Variants in STK32A observed in about 807,000 individuals in gnomAD.
The protein encoded by STK32A is serine/threonine kinase 32A, also known as serine/threonine-protein kinase 32A.
A neutral mutation model predicts 53.2 loss-of-function variants in STK32A; 41 were observed. The ratio of observed to expected loss-of-function variants is 0.77; its 90% CI spans 0.60 to 1.00. The LOEUF is 1.00. STK32A is among the 50% of genes least tolerant of loss of function. The pLI is 0.00. For synonymous variants in STK32A, 166 were observed against 162.8 expected, an observed-to-expected ratio of 1.02 and a Z score of -0.15; for missense variants, 458 against 485.8, an observed-to-expected ratio of 0.94 and a Z score of 0.54.
chr5:147,264,577 T>C (rs1259919754), intron 2 of STK32A, among the ~76,000 whole-genome samples: 1 of 152,200 alleles, frequency 6.6e-6, no homozygotes, highest in Non-Finnish European at 1.5e-5. Context: ...ATTTCTGTAT[T>C]CATAATAATG....
intron 8 of STK32A, among the ~76,000 whole-genome samples, chr5:147,362,742 G>T (rs1478307491): frequency 4.6e-5 from 7 of 152,130 alleles, no homozygotes; most frequent in Admixed American, 4.6e-4. Flanking sequence ...GAGACTCGAG[G>T]TATGATTCAT....
Position 147,384,519 on chromosome 5 carries a change from C to A in STK32A, c.*536C>A. 1.7e-6 allele frequency: 2 copies of A among 1,204,072 alleles called. No homozygotes were observed. The highest frequency in any genetic ancestry group is 2.3e-6 in the Non-Finnish European group (2 of 853,014). The allele number at this position is 1,204,072 out of a possible 1,614,324, so 74.6% of individuals were successfully genotyped here. A position where few individuals can be genotyped will look rare whatever the true frequency, so the allele number is the denominator to read the frequency against. On this transcript the variant is annotated 3_prime_UTR_variant, in exon 13 of 13. Transcript: ENST00000397936. ...ATGAATGGAATCAGATTAAAAGTAACAGAGATGGATGAGGGCCTTCCAGTG... is the reference window on the plus strand; with the variant it reads ...ATGAATGGAATCAGATTAAAAGTAAAAGAGATGGATGAGGGCCTTCCAGTG...
chr5:147,249,985 G>T (rs1259844001), intron 2 of STK32A, among the ~76,000 whole-genome samples: 1 of 151,092 alleles, frequency 6.6e-6, no homozygotes. Context: ...CTCACAGTGT[G>T]GCAGTGCAGA....
At chr5:147,299,272 T>C (rs1264242214) in intron 4 of STK32A, among the ~76,000 whole-genome samples, 2 of 152,142 alleles carry the variant, frequency 1.3e-5, no homozygotes, top group Non-Finnish European at 2.9e-5. Flanking sequence ...TTGTAAACTG[T>C]CATGGTGCTG....
At chr5:147,346,822 C>A (rs1755715280) in intron 6 of STK32A, among the ~76,000 whole-genome samples, 1 of 152,138 alleles carries the variant, frequency 6.6e-6, no homozygotes, top group South Asian at 2.1e-4. Context: ...GAGAAAATGA[C>A]AATTATGTCA....
At chr5:147,352,828 T>C (rs548333267) in intron 7 of STK32A, among the ~76,000 whole-genome samples, 5 of 152,128 alleles carry the variant, frequency 3.3e-5, no homozygotes, top group Admixed American at 1.3e-4. Context: ...ATGCAGTGAA[T>C]GTGATTTGTC....
At chr5:147,262,835 G>A (rs1214446674) in intron 2 of STK32A, among the ~76,000 whole-genome samples, 1 of 152,138 alleles carries the variant, frequency 6.6e-6, no homozygotes, top group Non-Finnish European at 1.5e-5. Context: ...AGGGGAAGGT[G>A]AGAAATAACC....
intron 5 of STK32A, among the ~76,000 whole-genome samples, chr5:147,336,044 G>C (rs1260144561): frequency 6.6e-6 from 1 of 152,072 alleles, no homozygotes; most frequent in Non-Finnish European, 1.5e-5. Context: ...AATCAACCTA[G>C]AAATCCCTGG....
At position 147,377,601 on chromosome 5, in the gene STK32A, A is replaced by G. The variant is rs559339787; in HGVS notation, c.1032+2383A>G. Among the ~76,000 whole-genome samples the G allele has an allele frequency of 2.6e-5, 4 of 152,248 alleles. No homozygotes were observed. The South Asian group carries it at 8.3e-4, about 32-fold the overall frequency. ...CTATTTTTTGATTGTTGAAGGCTGT[A>G]GTTATCCATTGTTTAGCGACTTCTC... On this transcript the variant is annotated intron_variant, in intron 11 of 12. Coordinates refer to ENST00000397936, the MANE Select transcript of STK32A (RefSeq NM_001112724.2).
chr5:147,372,731 A>G lies in STK32A; in HGVS notation c.778-438A>G, dbSNP rs899411500. The stretch of plus-strand genomic sequence containing the variant: ...TTTAATTAGTTGTAAAAACAGCTAC[A>G]ATTCTTAGTAGGAAATGAGTTCTAC... On this transcript the variant is annotated intron_variant, in intron 9 of 12. Coordinates refer to ENST00000397936, the MANE Select transcript of STK32A (RefSeq NM_001112724.2). 1.1e-4 allele frequency among the ~76,000 whole-genome samples: 17 copies of G among 152,294 alleles called. No individual in the cohort carries two copies. The East Asian group carries it at 2.7e-3, about 24-fold the overall frequency.
At position 147,378,089 on chromosome 5, in the gene STK32A, C is replaced by A. The variant is rs919172033; in HGVS notation, c.1032+2871C>A. ...CAATCTTACCTTATTATATTATTAA[C>A]ATGCTCGTTCATTCATTCATTCATT... On this transcript the variant is annotated intron_variant, in intron 11 of 12. Transcript: ENST00000397936. 4.6e-5 allele frequency among the ~76,000 whole-genome samples: 7 copies of A among 152,200 alleles called. No homozygotes were observed. In the East Asian group the frequency reaches 1.4e-3, roughly 29 times the overall value.
chr5:147,326,138 A>T (rs751512009), intron 5 of STK32A, among the ~76,000 whole-genome samples: 4 of 152,220 alleles, frequency 2.6e-5, no homozygotes, highest in Non-Finnish European at 5.9e-5. Context: ...ATTTTTCCCC[A>T]AGGAGCTTAC....
chr5:147,239,136 G>A (rs1753455639), intron 1 of STK32A, among the ~76,000 whole-genome samples: 1 of 152,144 alleles, frequency 6.6e-6, no homozygotes, highest in Admixed American at 6.5e-5. Flanking sequence ...TCCAGGGTAT[G>A]CAGAAACAGA....
chr5:147,364,230 A>C, intron 8 of STK32A, among the ~76,000 whole-genome samples: 1 of 151,740 alleles, frequency 6.6e-6, no homozygotes, highest in Admixed American at 6.6e-5. Flanking sequence ...AAAAAAAAAA[A>C]AAAAAGAAAT....
At chr5:147,323,400 T>G (rs1364406760) in intron 4 of STK32A, among the ~76,000 whole-genome samples, 2 of 152,252 alleles carry the variant, frequency 1.3e-5, no homozygotes, top group Non-Finnish European at 2.9e-5. Flanking sequence ...ATTGCCCTTC[T>G]TATGTGTTTT....
At chr5:147,328,354 G>T (rs928237670) in intron 5 of STK32A, among the ~76,000 whole-genome samples, 8 of 152,146 alleles carry the variant, frequency 5.3e-5, no homozygotes, top group African/African-American at 1.9e-4. Flanking sequence ...AGACATAAAT[G>T]GAGTTTTATT....
chr5:147,393,970 G>T, the STK32A span: 1 of 1,497,210 alleles, frequency 6.7e-7, no homozygotes, highest in African/African-American at 1.4e-5. Flanking sequence ...TTAAATATCG[G>T]TGTACCATTT....
chr5:147,384,050 GC>G lies in STK32A; in HGVS notation c.*68del. 1 of 1,544,768 alleles carries G rather than the reference GC, an allele frequency of 6.5e-7. No individual in the cohort carries two copies. Among genetic ancestry groups the G allele is most frequent in the Non-Finnish European group, 8.7e-7 (1 of 1,153,802 alleles). ...CTTCTAATTACATATGTCAAGAAAA[GC>G]TGACAGTAGTTCTTGCCACTCCACA... On this transcript the variant is annotated 3_prime_UTR_variant, in exon 13 of 13. Coordinates refer to ENST00000397936, the MANE Select transcript of STK32A (RefSeq NM_001112724.2).
At chr5:147,397,069 T>C in the STK32A span, among the ~76,000 whole-genome samples, 2 of 148,014 alleles carry the variant, frequency 1.4e-5, no homozygotes, top group Non-Finnish European at 3.0e-5. Flanking sequence ...ATATATTAAG[T>C]ATATATAAAT....
Sources: allele counts gnomAD v4.1 joint callset (sites outside exome capture counted in the v4.1 genomes callset), GRCh38; gene constraint gnomAD v4.1.1; transcripts MANE v1.5; gene names NCBI Gene and HGNC (gene_info 2026-07-23, HGNC 2026-07-21).